Variants in SMYD3 observed in about 807,000 individuals in gnomAD.
SMYD3 encodes SET and MYND domain containing 3.
Under a neutral mutation model 57.7 loss-of-function variants are expected in SMYD3, and 36 were observed. That is an observed-to-expected ratio of 0.62 (90% confidence interval 0.48 to 0.82). The LOEUF (loss-of-function observed/expected upper bound fraction) is 0.82, where lower values mean the gene tolerates loss of function less well. Ranked by LOEUF, SMYD3 falls within the 40% of genes least tolerant of loss-of-function variation. The pLI, the probability that SMYD3 is intolerant of heterozygous loss-of-function variation, is 0.00. For synonymous variants in SMYD3, 211 were observed against 195.0 expected (o/e 1.08, Z -0.68); for missense variants, 515 against 538.8 (o/e 0.96, Z 0.44).
At chr1:246,186,668 A>G (rs2062646241) in intron 5 of SMYD3, 1 of 842,014 alleles carries the variant, frequency 1.2e-6, no homozygotes, top group Non-Finnish European at 1.4e-6. Context: ...GAGACAATGA[A>G]AACTTGACCT....
intron 7 of SMYD3, among the ~76,000 whole-genome samples, chr1:245,926,256 A>G (rs1236476253): frequency 6.6e-6 from 1 of 152,228 alleles, no homozygotes; most frequent in Non-Finnish European, 1.5e-5. Context: ...ACATGTTTAA[A>G]TCATAACAAA....
At chr1:245,940,466 T>C (rs774656145) in intron 5 of SMYD3, among the ~76,000 whole-genome samples, 1 of 152,090 alleles carries the variant, frequency 6.6e-6, no homozygotes, top group Non-Finnish European at 1.5e-5. Context: ...CAGCCTCCAC[T>C]GGTGATACCT....
At chr1:246,383,141 T>C (rs558242523) in intron 1 of SMYD3, among the ~76,000 whole-genome samples, 1 of 152,312 alleles carries the variant, frequency 6.6e-6, no homozygotes, top group Admixed American at 6.5e-5. Flanking sequence ...GCCCAAGAAC[T>C]TGAGGTAGCC....
intron 1 of SMYD3, among the ~76,000 whole-genome samples, chr1:246,368,967 A>G (rs574479970): frequency 3.9e-4 from 60 of 152,326 alleles, no homozygotes; most frequent in Non-Finnish European, 2.5e-4. Context: ...ACAGATAGAA[A>G]GATAGATAGA....
At chr1:245,846,785 C>T (rs1363697830) in intron 10 of SMYD3, among the ~76,000 whole-genome samples, 5 of 152,226 alleles carry the variant, frequency 3.3e-5, no homozygotes, top group Non-Finnish European at 7.3e-5. Flanking sequence ...AAAGATGATG[C>T]TAACCAATAG....
At chr1:245,802,970 G>A (rs2047944674) in intron 10 of SMYD3, among the ~76,000 whole-genome samples, 1 of 152,180 alleles carries the variant, frequency 6.6e-6, no homozygotes. Flanking sequence ...GGCAACATTG[G>A]CCTTTATGAA....
intron 2 of SMYD3, among the ~76,000 whole-genome samples, chr1:246,352,859 A>G (rs2065853394): frequency 1.3e-5 from 2 of 152,192 alleles, no homozygotes; most frequent in South Asian, 4.1e-4. Flanking sequence ...TTTATTAAGT[A>G]AACTGTTTAT....
intron 10 of SMYD3, among the ~76,000 whole-genome samples, chr1:245,853,170 G>A (rs1345921267): frequency 1.3e-5 from 2 of 152,194 alleles, no homozygotes; most frequent in African/African-American, 4.8e-5. Context: ...ATGAAGTTCA[G>A]ATAGTTATTT....
intron 10 of SMYD3, among the ~76,000 whole-genome samples, chr1:245,825,557 C>T (rs370731521): frequency 4.6e-5 from 7 of 152,264 alleles, no homozygotes; most frequent in African/African-American, 1.7e-4. Flanking sequence ...CGGGCCGAGG[C>T]CATGCGTGGC....
At chr1:245,978,283 T>C (rs981989907) in intron 5 of SMYD3, among the ~76,000 whole-genome samples, 6 of 152,222 alleles carry the variant, frequency 3.9e-5, no homozygotes, top group African/African-American at 1.4e-4. Context: ...GATTTATCCA[T>C]CTTCGTGCCT....
rs1189345464 is a variant in SMYD3, at chr1:245,863,894, G to C, written c.814-8C>G. 1 of 1,613,320 alleles carries C rather than the reference G, an allele frequency of 6.2e-7. No individual in the cohort carries two copies. The highest frequency in any genetic ancestry group is 2.2e-5 in the East Asian group (1 of 44,878). On this transcript the variant is annotated splice_polypyrimidine_tract_variant and splice_region_variant and intron_variant, in intron 8 of 11. Coordinates refer to ENST00000490107, the MANE Select transcript of SMYD3 (RefSeq NM_001167740.2). ...AGTTAGCATATCAGCATCCTGCTCA[G>C]GCCAGAAAAGGAAGACAAATAATCT...
chr1:246,133,388 A>T (rs12065115), intron 5 of SMYD3, among the ~76,000 whole-genome samples: 39,661 of 151,854 alleles, frequency 0.26, 6,111 homozygotes, highest in East Asian at 0.43. Flanking sequence ...AATGTTTCCC[A>T]TAACAAATCT....
chr1:245,896,505 G>A (rs1019105640), intron 8 of SMYD3, among the ~76,000 whole-genome samples: 1 of 152,046 alleles, frequency 6.6e-6, no homozygotes, highest in Non-Finnish European at 1.5e-5. Flanking sequence ...GGTGGCAGTA[G>A]GTACAAGCTG....
In SMYD3 at chr1:245,754,996, G is replaced by C. The variant is rs1211124000; in HGVS notation, c.1186-5332C>G. ...CTCAGGTCTGTGCTTTCCAGTGGTA[G>C]TAGCCATTCCAGAAAAAGCATGGCT... On this transcript the variant is annotated intron_variant, in intron 11 of 11. Coordinates refer to ENST00000490107, the MANE Select transcript of SMYD3 (RefSeq NM_001167740.2). 2.0e-5 allele frequency among the ~76,000 whole-genome samples: 3 copies of C among 152,220 alleles called. No individual in the cohort carries two copies. In the East Asian group the frequency reaches 5.8e-4, roughly 29 times the overall value.
At chr1:245,827,369 A>T (rs1409906189) in intron 10 of SMYD3, among the ~76,000 whole-genome samples, 1 of 152,180 alleles carries the variant, frequency 6.6e-6, no homozygotes, top group African/African-American at 2.4e-5. Context: ...TGCGCTGCCC[A>T]TTAGCTACAG....
intron 10 of SMYD3, among the ~76,000 whole-genome samples, chr1:245,797,812 A>G (rs2047607507): frequency 7.4e-6 from 1 of 135,912 alleles, no homozygotes; most frequent in Non-Finnish European, 1.5e-5. Flanking sequence ...ATGTCCTCTC[A>G]ATTGCTTCCG....
chr1:245,817,124 C>T (rs1021359736), intron 10 of SMYD3, among the ~76,000 whole-genome samples: 1 of 151,154 alleles, frequency 6.6e-6, no homozygotes, highest in East Asian at 2.0e-4. Context: ...ACAGCAGTAA[C>T]CTCTGCAGAC....
intron 5 of SMYD3, among the ~76,000 whole-genome samples, chr1:246,038,665 C>T (rs552418875): frequency 6.6e-6 from 1 of 152,196 alleles, no homozygotes; most frequent in Admixed American, 6.5e-5. Context: ...CAGGCTTTGC[C>T]TAGCTCCAAC....
chr1:245,801,422 C>T (rs1026507172), intron 10 of SMYD3, among the ~76,000 whole-genome samples: 5 of 152,208 alleles, frequency 3.3e-5, no homozygotes, highest in Non-Finnish European at 7.3e-5. Flanking sequence ...AAACTTACTT[C>T]TTGTCATAAA....
Sources: gnomAD v4.1 joint callset for allele counts (sites outside exome capture counted in the v4.1 genomes callset) on GRCh38, gnomAD v4.1.1 for gene constraint, MANE v1.5 for transcripts, NCBI Gene and HGNC (gene_info 2026-07-23, HGNC 2026-07-21) for gene names.